The following ELP4 variants were observed in gnomAD, a reference collection of about 807,000 sequenced individuals.
The protein encoded by ELP4 is elongator complex protein 4.
ELP4 carries 51 observed loss-of-function variants against 48.9 expected under a neutral mutation model. The ratio of observed to expected loss-of-function variants is 1.04; its 90% CI spans 0.83 to 1.32. ELP4 has a LOEUF of 1.32. Ranked by LOEUF, ELP4 falls within the 40% of genes most tolerant of loss-of-function variation. The pLI is 0.00. For missense variants in ELP4, 519 were observed against 514.6 expected (o/e 1.01, Z -0.08); for synonymous variants, 210 against 189.2 (o/e 1.11, Z -0.90).
intron 9 of ELP4, among the ~76,000 whole-genome samples, chr11:31,758,670 C>CTTTT (rs35783140): frequency 1.4e-5 from 2 of 140,684 alleles, no homozygotes; most frequent in Non-Finnish European, 3.1e-5. Context: ...GAGGGTGGAA[C>CTTTT]TTTTTTTTTT....
chr11:31,547,193 A>T (rs1254251930), intron 3 of ELP4, among the ~76,000 whole-genome samples: 1 of 152,206 alleles, frequency 6.6e-6, no homozygotes, highest in East Asian at 1.9e-4. Flanking sequence ...TAGTGAATCC[A>T]GGAGCTTGTT....
chr11:31,579,429 T>G (rs1431173125), intron 3 of ELP4, among the ~76,000 whole-genome samples: 1 of 152,144 alleles, frequency 6.6e-6, no homozygotes, highest in African/African-American at 2.4e-5. Context: ...GCCATCCCAT[T>G]ACTGGGTATA....
At chr11:31,650,769 C>T (rs565781689) in intron 9 of ELP4, 3 of 151,686 alleles carry the variant, frequency 2.0e-5, no homozygotes, top group East Asian at 3.9e-4. Context: ...AGTAGTAGGA[C>T]AAAATATTTA....
chr11:31,693,501 A>G (rs950549990), intron 9 of ELP4, among the ~76,000 whole-genome samples: 3 of 152,034 alleles, frequency 2.0e-5, no homozygotes, highest in Non-Finnish European at 2.9e-5. Flanking sequence ...ATCCTTTTTT[A>G]TGGCTGCATA....
At chr11:31,699,595 C>G (rs1006091925) in intron 9 of ELP4, among the ~76,000 whole-genome samples, 4 of 152,118 alleles carry the variant, frequency 2.6e-5, no homozygotes, top group Non-Finnish European at 2.9e-5. Context: ...TCAATGGAGA[C>G]TGAGGCCTGG....
At chr11:31,772,118 TTC>T (rs1209877048) in intron 9 of ELP4, among the ~76,000 whole-genome samples, 3 of 111,772 alleles carry the variant, frequency 2.7e-5, no homozygotes, top group Admixed American at 9.3e-5. Flanking sequence ...AATTATTTTC[TTC>T]TTTTTTTTTT....
intron 9 of ELP4, among the ~76,000 whole-genome samples, chr11:31,736,998 C>T (rs544493558): frequency 6.6e-6 from 1 of 152,292 alleles, no homozygotes; most frequent in East Asian, 1.9e-4. Context: ...AAGCATGCTG[C>T]TATAAAGACA....
intron 5 of ELP4, among the ~76,000 whole-genome samples, chr11:31,605,877 G>T (rs1352036127): frequency 1.3e-5 from 2 of 151,770 alleles, no homozygotes; most frequent in Admixed American, 1.3e-4. Context: ...CTCTCCTACT[G>T]TTGCAGGCTG....
chr11:31,683,877 T>G (rs1489224090), intron 9 of ELP4, among the ~76,000 whole-genome samples: 1 of 152,090 alleles, frequency 6.6e-6, no homozygotes, highest in Non-Finnish European at 1.5e-5. Flanking sequence ...TAATGAACAA[T>G]AGGAATTACA....
At chr11:31,595,483 A>G (rs1240317804) in intron 4 of ELP4, among the ~76,000 whole-genome samples, 1 of 152,206 alleles carries the variant, frequency 6.6e-6, no homozygotes, top group Non-Finnish European at 1.5e-5. Context: ...TTTAACATCT[A>G]TCAGATATTA....
At chr11:31,592,807 T>A (rs948975184) in intron 3 of ELP4, among the ~76,000 whole-genome samples, 1 of 152,068 alleles carries the variant, frequency 6.6e-6, no homozygotes, top group Non-Finnish European at 1.5e-5. Context: ...TATTTTATAG[T>A]CTCATCTTGT....
chr11:31,715,467 A>G (rs2134177780), intron 9 of ELP4, among the ~76,000 whole-genome samples: 1 of 152,372 alleles, frequency 6.6e-6, no homozygotes, highest in African/African-American at 2.4e-5. Context: ...ACATGCACAC[A>G]GTTACTGAGA....
intron 9 of ELP4, among the ~76,000 whole-genome samples, chr11:31,721,487 C>CT (rs564776586): frequency 1.4e-4 from 20 of 147,710 alleles, no homozygotes; most frequent in South Asian, 4.3e-4. Context: ...ACTGTCTTGG[C>CT]TTTTTTTTTT....
intron 6 of ELP4, among the ~76,000 whole-genome samples, chr11:31,630,507 T>C (rs527407433): frequency 6.6e-6 from 1 of 152,160 alleles, no homozygotes; most frequent in East Asian, 1.9e-4. Flanking sequence ...GTTTGTATTT[T>C]TAGTAGAGAC....
chr11:31,577,654 A>G (rs1957309780), intron 3 of ELP4, among the ~76,000 whole-genome samples: 2 of 152,180 alleles, frequency 1.3e-5, no homozygotes, highest in African/African-American at 2.4e-5. Context: ...GCGAATCAAT[A>G]AATGTAATCC....
At position 31,790,299 on chromosome 11, in the gene ELP4, T is replaced by G; in HGVS notation, c.*6775T>G. 1 of 621,890 alleles carries G rather than the reference T, an allele frequency of 1.6e-6. No individual in the cohort carries two copies. Among genetic ancestry groups the G allele is most frequent in the Non-Finnish European group, 2.4e-6 (1 of 414,850 alleles). 38.5% of individuals were successfully genotyped at this position (621,890 alleles called of 1,614,324 possible). ...TCTGTTTGTTTGCATGTTTGGAACT[T>G]TTACAATAAAGCTGTCTCTGGAAAA... On this transcript the variant is annotated 3_prime_UTR_variant, in exon 10 of 10. Coordinates refer to ENST00000640961, the MANE Select transcript of ELP4 (RefSeq NM_019040.5).
intron 7 of ELP4, among the ~76,000 whole-genome samples, chr11:31,641,554 A>C (rs1419791149): frequency 1.3e-5 from 2 of 151,870 alleles, no homozygotes; most frequent in Non-Finnish European, 1.5e-5. Context: ...GAGTTTGAAA[A>C]TGCGCAGACT....
chr11:31,701,188 A>G (rs1352860360), intron 9 of ELP4, among the ~76,000 whole-genome samples: 1 of 152,108 alleles, frequency 6.6e-6, no homozygotes, highest in Non-Finnish European at 1.5e-5. Context: ...TAAGGACTTC[A>G]TGCTCAAGCA....
intron 9 of ELP4, among the ~76,000 whole-genome samples, chr11:31,755,541 T>C (rs1431781078): frequency 2.6e-5 from 4 of 152,106 alleles, no homozygotes; most frequent in Non-Finnish European, 5.9e-5. Flanking sequence ...TTGCCAAAAA[T>C]GCATAATTTC....
Sources: allele counts gnomAD v4.1 joint callset (sites outside exome capture counted in the v4.1 genomes callset), GRCh38; gene constraint gnomAD v4.1.1; transcripts MANE v1.5; gene names NCBI Gene and HGNC (gene_info 2026-07-23, HGNC 2026-07-21).